Variants in ZFP69 observed in about 807,000 individuals in gnomAD.
ZFP69 encodes the protein ZFP69 zinc finger protein.
ZFP69 carries 35 observed loss-of-function variants against 48.9 expected under a neutral mutation model. The observed-to-expected ratio is 0.72, with a 90% confidence interval of 0.55 to 0.95. The LOEUF (loss-of-function observed/expected upper bound fraction) is 0.95, where lower values mean the gene tolerates loss of function less well. Ranked by LOEUF, ZFP69 falls within the 40% of genes least tolerant of loss-of-function variation. The probability of loss-of-function intolerance (pLI) is 0.00; values close to 1 mark genes in which losing one functional copy is unlikely to be tolerated. For synonymous variants in ZFP69, 193 were observed against 216.8 expected (o/e 0.89, Z 0.96); for missense variants, 557 against 638.4 (o/e 0.87, Z 1.37).
chr1:40,479,836 G>C (rs552399717), intron 2 of ZFP69, among the ~76,000 whole-genome samples: 2 of 152,210 alleles, frequency 1.3e-5, no homozygotes, highest in South Asian at 2.1e-4. Context: ...TTCCTGCACA[G>C]GTTCCAGTCA....
chr1:40,494,521 G>A (rs1645605158), intron 5 of ZFP69, among the ~76,000 whole-genome samples: 1 of 146,814 alleles, frequency 6.8e-6, no homozygotes, highest in African/African-American at 2.5e-5. Flanking sequence ...GCCCGCCTCG[G>A]CCTCCCAAAG....
In ZFP69 at chr1:40,495,052, T is replaced by C; in HGVS notation, c.574T>C (p.Ser192Pro). Residue 192 changes from serine to proline, a missense_variant, in exon 6 of 6, where the codon TCC (serine) becomes CCC (proline). Coordinates refer to ENST00000372706, the MANE Select transcript of ZFP69 (RefSeq NM_001320179.2). ...DIIYSTLRKV[S>P]TYDDVLERHQ... is the part of the protein sequence containing the mutation. ...AATTTATTCCACGTTGAGAAAAGTC[T>C]CCACATATGATGATGTCTTAGAAAG... 2 of 1,614,078 alleles carry C rather than the reference T, an allele frequency of 1.2e-6. No individual in the cohort carries two copies. The highest frequency in any genetic ancestry group is 2.2e-5 in the South Asian group (2 of 91,080).
In ZFP69 at chr1:40,478,834, G is replaced by A. The variant is rs181390506; in HGVS notation, c.-326-202G>A. 2.5e-3 allele frequency among the ~76,000 whole-genome samples: 374 copies of A among 152,176 alleles called. 4 individuals are homozygous for A. The highest frequency in any genetic ancestry group is 8.7e-3 in the African/African-American group (360 of 41,526). ...TTCAAAGCCTGCCCTCTTAAACCCC[G>A]TCTGTGTCCAGGCAGAAGATGCATG... On this transcript the variant is annotated intron_variant, in intron 1 of 5. Coordinates refer to ENST00000372706, the MANE Select transcript of ZFP69 (RefSeq NM_001320179.2).
intron 5 of ZFP69, among the ~76,000 whole-genome samples, chr1:40,494,255 A>ATTTTTT (rs1645598717): frequency 0.012 from 1,484 of 123,650 alleles, 110 homozygotes; most frequent in Middle Eastern, 0.023. Context: ...AAAGATTCAA[A>ATTTTTT]ATTTTTTTTT....
intron 5 of ZFP69, chr1:40,491,089 T>G (rs1330186881): frequency 1.3e-5 from 2 of 152,242 alleles, no homozygotes; most frequent in Admixed American, 6.5e-5. Context: ...TATCAGTGTA[T>G]ACATACTAAA....
chr1:40,491,513 T>C (rs1313610448), intron 5 of ZFP69, among the ~76,000 whole-genome samples: 1 of 152,228 alleles, frequency 6.6e-6, no homozygotes, highest in Non-Finnish European at 1.5e-5. Context: ...TCAGCATCTT[T>C]GTCAACATTT....
In ZFP69 at chr1:40,495,271, T is replaced by G. The variant is rs116083793; in HGVS notation, c.793T>G (p.Tyr265Asp). 7.6e-5 allele frequency: 122 copies of G among 1,614,036 alleles called. No homozygotes were observed. The African/African-American group carries it at 1.3e-3, about 17-fold the overall frequency. Reference sequence around the variant, plus strand: ...AGATTTGATTAATCATCCAACAAGTTACATAAGAACAAAAACCTATGAATG... The same window carrying G: ...AGATTTGATTAATCATCCAACAAGTGACATAAGAACAAAAACCTATGAATG... ...KLDLINHPTS[Y>D]IRTKTYECNI... Residue 265 changes from tyrosine (Y) to aspartate (D), a missense_variant, in exon 6 of 6, where the codon TAC becomes GAC. Transcript: ENST00000372706.
In ZFP69 at chr1:40,494,255, A is replaced by ATTTTTTTTTTTTTTTTTTTTTTTTTTT. The variant is rs1645598717; in HGVS notation, c.443-666_443-665insTTTTTTTTTTTTTTTTTTTTTTTTTTT. Among the ~76,000 whole-genome samples, 2 of 123,856 alleles carry ATTTTTTTTTTTTTTTTTTTTTTTTTTT rather than the reference A, an allele frequency of 1.6e-5. 1 individual carries two copies. Among genetic ancestry groups the ATTTTTTTTTTTTTTTTTTTTTTTTTTT allele is most frequent in the African/African-American group, 6.3e-5 (2 of 31,550 alleles). The allele number at this position is 123,856 out of a possible 152,430, so 81.3% of individuals were successfully genotyped here. A position where few individuals can be genotyped will look rare whatever the true frequency, so the allele number is the denominator to read the frequency against. ...ATTAGAGCAGGACTAAAAGATTCAA[A>ATTTTTTTTTTTTTTTTTTTTTTTTTTT]ATTTTTTTTTTTTTTTTTTTTTTTT... On this transcript the variant is annotated intron_variant, in intron 5 of 5. Transcript: ENST00000372706.
chr1:40,479,310 G>T lies in ZFP69; in HGVS notation c.-52G>T. Reference sequence around the variant, plus strand: ...ACAACTGTGAAGCGTCTCATCAAGAGCTTCTGGCAATTTCCTCACCAGAAG... The same window carrying T: ...ACAACTGTGAAGCGTCTCATCAAGATCTTCTGGCAATTTCCTCACCAGAAG... On this transcript the variant is annotated 5_prime_UTR_variant, in exon 2 of 6. Coordinates refer to ENST00000372706, the MANE Select transcript of ZFP69 (RefSeq NM_001320179.2). 6.2e-7 allele frequency: 1 copy of T among 1,609,344 alleles called. No homozygotes were observed. Among genetic ancestry groups the T allele is most frequent in the African/African-American group, 1.3e-5 (1 of 74,922 alleles).
At chr1:40,492,817 AT>A (rs1645582315) in intron 5 of ZFP69, among the ~76,000 whole-genome samples, 1 of 152,112 alleles carries the variant, frequency 6.6e-6, no homozygotes, top group Non-Finnish European at 1.5e-5. Context: ...CATATTGTAC[AT>A]TTTTTGTTAG....
At chr1:40,479,528 T>C in intron 2 of ZFP69, 40 bp downstream of exon 2, 1 of 1,574,344 alleles carries the variant, frequency 6.4e-7, no homozygotes, top group Non-Finnish European at 8.6e-7. Context: ...GGGGATCTCA[T>C]TTGTGTGTGA....
rs140932083 is a variant in ZFP69 at position 40,495,115 on chromosome 1, A to G, written c.637A>G (p.Ile213Val). The change falls in exon 6 of 6, where the codon ATC becomes GTC. Residue 213 changes from isoleucine (I) to valine (V), a missense_variant. Coordinates refer to ENST00000372706, the MANE Select transcript of ZFP69 (RefSeq NM_001320179.2). ...TTGTATGAGAGATGTGAGACAAGCCATCTTGACCCATAAGAAGAGAGTCCA... is the reference window on the plus strand; with the variant it reads ...TTGTATGAGAGATGTGAGACAAGCCGTCTTGACCCATAAGAAGAGAGTCCA... ...ETCMRDVRQA[I>V]LTHKKRVQET... 1 of 1,614,130 alleles carries G rather than the reference A, an allele frequency of 6.2e-7. No homozygotes were observed.
At position 40,494,819 on chromosome 1, in the gene ZFP69, A is replaced by G. The variant is rs985877229; in HGVS notation, c.443-102A>G. ...CTCCAAGCAGCATAATCATATTTAA[A>G]TATAGTCAAAATCTCATGCACTTAT... On this transcript the variant is annotated intron_variant, in intron 5 of 5. Transcript: ENST00000372706. 21 of 1,021,758 alleles carry G rather than the reference A, an allele frequency of 2.1e-5. No homozygotes were observed. In the South Asian group the frequency reaches 3.8e-4, roughly 18 times the overall value. The allele number at this position is 1,021,758 out of a possible 1,614,324, so 63.3% of individuals were successfully genotyped here.
At chr1:40,487,462 G>GT (rs1173025530) in intron 3 of ZFP69, among the ~76,000 whole-genome samples, 2 of 151,932 alleles carry the variant, frequency 1.3e-5, no homozygotes, top group East Asian at 3.9e-4. Context: ...AGAGATACAC[G>GT]TATCTATTAT....
intron 3 of ZFP69, among the ~76,000 whole-genome samples, chr1:40,488,308 T>C (rs1039179583): frequency 1.3e-5 from 2 of 152,202 alleles, no homozygotes; most frequent in African/African-American, 4.8e-5. Flanking sequence ...CAGCTTTAAT[T>C]TGATTGAGTA....
rs549961340 is a variant in ZFP69 at position 40,487,101 on chromosome 1, T to C, written c.220-1987T>C. On this transcript the variant is annotated intron_variant, in intron 3 of 5. Coordinates refer to ENST00000372706, the MANE Select transcript of ZFP69 (RefSeq NM_001320179.2). ...CACCATGCCCAGCTAATTTTTGTAT[T>C]TTTAGTAGAGACAGGGTTTCACCAT... 2.4e-3 allele frequency among the ~76,000 whole-genome samples: 366 copies of C among 152,020 alleles called. 4 individuals are homozygous for C. The highest frequency in any genetic ancestry group is 8.7e-3 in the African/African-American group (359 of 41,458).
In ZFP69 at chr1:40,495,907, A is replaced by T. The variant is rs1374051840; in HGVS notation, c.1429A>T (p.Arg477Trp). The change falls in exon 6 of 6, where the codon AGG becomes TGG. Residue 477 changes from arginine (R) to tryptophan (W), a missense_variant. Coordinates refer to ENST00000372706, the MANE Select transcript of ZFP69 (RefSeq NM_001320179.2). ...ATGCAACCGCTGTGGAAAAGCCTAT[A>T]GGCATGATTCATCCTTTAAAAAACA... ...YECNRCGKAY[R>W]HDSSFKKHQR... is the part of the protein sequence containing the mutation. 1 of 1,614,096 alleles carries T rather than the reference A, an allele frequency of 6.2e-7. No homozygotes were observed. Among genetic ancestry groups the T allele is most frequent in the Admixed American group, 1.7e-5 (1 of 60,014 alleles).
intron 5 of ZFP69, among the ~76,000 whole-genome samples, chr1:40,491,734 T>C (rs922274162): frequency 2.0e-5 from 3 of 150,034 alleles, no homozygotes; most frequent in Non-Finnish European, 1.5e-5. Context: ...TTTTTTCTTA[T>C]TGATTGGTAG....
At position 40,495,102 on chromosome 1, in the gene ZFP69, T is replaced by C. The variant is rs1208803268; in HGVS notation, c.624T>C (p.Asp208=). The C allele has an allele frequency of 3.7e-6, 6 of 1,613,950 alleles. No individual in the cohort carries two copies. In the South Asian group the frequency reaches 5.5e-5, roughly 15 times the overall value. Residue 208 remains aspartate (D), a synonymous_variant, in exon 6 of 6, where the codon GAT becomes GAC. Coordinates refer to ENST00000372706, the MANE Select transcript of ZFP69 (RefSeq NM_001320179.2). ...GGCACCAGGAAACTTGTATGAGAGATGTGAGACAAGCCATCTTGACCCATA... is the reference window on the plus strand; with the variant it reads ...GGCACCAGGAAACTTGTATGAGAGACGTGAGACAAGCCATCTTGACCCATA... The part of the protein sequence containing the change: ...LERHQETCMR[D]VRQAILTHKK...
Sources: gnomAD v4.1 joint callset for allele counts (sites outside exome capture counted in the v4.1 genomes callset) on GRCh38, gnomAD v4.1.1 for gene constraint, MANE v1.5 for transcripts, NCBI Gene and HGNC (gene_info 2026-07-23, HGNC 2026-07-21) for gene names.